TRIM36: variants seen among roughly 807,000 people sequenced by gnomAD.
The protein encoded by TRIM36 is E3 ubiquitin-protein ligase TRIM36.
Under a neutral mutation model 72.4 loss-of-function variants are expected in TRIM36, and 42 were observed. That is an observed-to-expected ratio of 0.58 (90% CI 0.45 to 0.75). TRIM36 has a LOEUF of 0.75. TRIM36 is among the 30% of genes least tolerant of loss of function. The pLI is 0.00. For missense variants in TRIM36, 913 were observed against 857.1 expected, an observed-to-expected ratio of 1.07 and a Z score of -0.81; for synonymous variants, 315 against 282.8, an observed-to-expected ratio of 1.11 and a Z score of -1.14.
chr5:115,126,447 C>CTAA lies in TRIM36; in HGVS notation c.*55_*56insTTA. The stretch of plus-strand genomic sequence containing the variant: ...ATATGTAATTAGTTACGAAGGTTAA[C>CTAA]GCTAAGGCATTGCTTTGTTTACAGT... On this transcript the variant is annotated 3_prime_UTR_variant, in exon 10 of 10. Coordinates refer to ENST00000513154, the MANE Select transcript of TRIM36 (RefSeq NM_001300759.2). 7.1e-7 allele frequency: 1 copy of CTAA among 1,414,262 alleles called. No individual in the cohort carries two copies. The highest frequency in any genetic ancestry group is 9.7e-7 in the Non-Finnish European group (1 of 1,028,688). The allele number at this position is 1,414,262 out of a possible 1,614,324, so 87.6% of individuals were successfully genotyped here. A position where few individuals can be genotyped will look rare whatever the true frequency, so the allele number is the denominator to read the frequency against.
chr5:115,159,863 T>C (rs17137495), intron 2 of TRIM36, among the ~76,000 whole-genome samples: 5,344 of 152,248 alleles, frequency 0.035, 145 homozygotes, highest in East Asian at 0.079. Context: ...TCAAGCAATC[T>C]TATTACAATC....
At chr5:115,153,024 T>C (rs1425515909) in intron 2 of TRIM36, among the ~76,000 whole-genome samples, 1 of 152,106 alleles carries the variant, frequency 6.6e-6, no homozygotes, top group Non-Finnish European at 1.5e-5. Context: ...AATGAAATGG[T>C]ACCTCATATC....
chr5:115,133,314 G>C (rs1036061848), intron 8 of TRIM36, among the ~76,000 whole-genome samples: 2 of 152,170 alleles, frequency 1.3e-5, no homozygotes, highest in Non-Finnish European at 2.9e-5. Flanking sequence ...CTTGGGAAGG[G>C]AGGGGGCGAT....
intron 3 of TRIM36, among the ~76,000 whole-genome samples, chr5:115,146,672 A>G (rs1753610466): frequency 6.6e-6 from 1 of 152,224 alleles, no homozygotes; most frequent in African/African-American, 2.4e-5. Context: ...CAAATGCAAC[A>G]AAAATATGTT....
chr5:115,159,679 A>T lies in TRIM36; in HGVS notation c.262+3839T>A, dbSNP rs1218839154. 6 of 451,092 alleles carry T rather than the reference A, an allele frequency of 1.3e-5. No homozygotes were observed. In the Admixed American group the frequency reaches 1.4e-4, roughly 11 times the overall value. The allele number at this position is 451,092 out of a possible 1,614,324, so 27.9% of individuals were successfully genotyped here. A position where few individuals can be genotyped will look rare whatever the true frequency, so the allele number is the denominator to read the frequency against. On this transcript the variant is annotated intron_variant, in intron 2 of 9. Transcript: ENST00000513154. ...AGATCTCCGTTGTGATGCTGTGAACAATGAACAGAAAGCTGGATTTAGAAT... is the reference window on the plus strand; with the variant it reads ...AGATCTCCGTTGTGATGCTGTGAACTATGAACAGAAAGCTGGATTTAGAAT...
upstream of TRIM36, among the ~76,000 whole-genome samples, chr5:115,172,061 T>G (rs1249066745): frequency 2.0e-5 from 3 of 152,206 alleles, no homozygotes; most frequent in Non-Finnish European, 2.9e-5. Flanking sequence ...TTGTAAAAAT[T>G]TTTGAATATT....
intron 2 of TRIM36, chr5:115,153,938 T>C (rs1216723073): frequency 1.3e-5 from 2 of 152,154 alleles, no homozygotes; most frequent in African/African-American, 4.8e-5. Flanking sequence ...GGCCACAAAA[T>C]GAGCCTCAAT....
intron 5 of TRIM36, 61 bp downstream of exon 5, chr5:115,141,214 CAAAT>C (rs1005302369): frequency 9.2e-6 from 11 of 1,198,448 alleles, no homozygotes; most frequent in African/African-American, 3.1e-5. Context: ...ATTTTATGAA[CAAAT>C]GAATGAATGT....
At chr5:115,131,101 T>C (rs1331863464) in intron 8 of TRIM36, among the ~76,000 whole-genome samples, 1 of 152,078 alleles carries the variant, frequency 6.6e-6, no homozygotes, top group East Asian at 1.9e-4. Context: ...AGAAATCTCA[T>C]AAAGCAGATG....
At chr5:115,150,720 A>T (rs910197473) in intron 2 of TRIM36, among the ~76,000 whole-genome samples, 2 of 152,202 alleles carry the variant, frequency 1.3e-5, no homozygotes, top group Non-Finnish European at 2.9e-5. Context: ...GCGAGGGCCC[A>T]AACTGTGGAA....
At chr5:115,132,112 G>A (rs922507097) in intron 8 of TRIM36, among the ~76,000 whole-genome samples, 14 of 151,806 alleles carry the variant, frequency 9.2e-5, no homozygotes, top group African/African-American at 3.1e-4. Context: ...GGAGATAGGA[G>A]GATTACTTGA....
rs1006282540 is a variant in TRIM36, at chr5:115,137,036, T to C, written c.1174A>G (p.Thr392Ala). The C allele has an allele frequency of 6.2e-7, 1 of 1,605,734 alleles. No individual in the cohort carries two copies. The highest frequency in any genetic ancestry group is 1.7e-5 in the Admixed American group (1 of 58,622). The change falls in exon 7 of 10, where the codon ACA (threonine) becomes GCA (alanine). Residue 392 changes from threonine (T) to alanine (A), a missense_variant. Physicochemically the swap from Thr to Ala is moderately conservative, Grantham distance 58. Transcript: ENST00000513154. ...AAGGATAATTCTCCAAGAAGTTCTG[T>C]TTGTTTAGAGGTATTAACAACATAG... ...EDYVVNTSKQ[T>A]ELLGELSFFS...
chr5:115,170,128 C>G (rs1023608763), upstream of TRIM36, among the ~76,000 whole-genome samples: 8 of 152,220 alleles, frequency 5.3e-5, no homozygotes, highest in African/African-American at 9.6e-5. Context: ...CCACCTTCCC[C>G]CTACGCATCA....
chr5:115,169,528 G>C (rs1233247267), intron 1 of TRIM36, 80 bp downstream of exon 1: 2 of 1,427,460 alleles, frequency 1.4e-6, no homozygotes, highest in South Asian at 2.6e-5. Context: ...CTCCCTCCGG[G>C]CTCCCGGCGG....
In TRIM36 at chr5:115,169,709, G is replaced by C; in HGVS notation, c.-75C>G. On this transcript the variant is annotated 5_prime_UTR_variant, in exon 1 of 10. Transcript: ENST00000513154. ...TACCGAGCGCAGGGTCTGGTGGGCG[G>C]GTCCCTGCGGCGGCCGTGGAGCCTC... is the stretch of plus-strand genomic sequence containing the variant. The C allele has an allele frequency of 6.7e-7, 1 of 1,492,334 alleles. No individual in the cohort carries two copies. The highest frequency in any genetic ancestry group is 8.9e-7 in the Non-Finnish European group (1 of 1,119,868). The allele number at this position is 1,492,334 out of a possible 1,614,324, so 92.4% of individuals were successfully genotyped here.
chr5:115,129,821 C>T (rs866853146), intron 9 of TRIM36, among the ~76,000 whole-genome samples: 1 of 151,810 alleles, frequency 6.6e-6, no homozygotes, highest in African/African-American at 2.4e-5. Flanking sequence ...TTCAATATGC[C>T]TATGTTGCTT....
chr5:115,147,018 T>G (rs778237835), intron 3 of TRIM36, 51 bp downstream of exon 3: 1 of 1,458,452 alleles, frequency 6.9e-7, no homozygotes, highest in Non-Finnish European at 9.3e-7. Context: ...CATAAAAGTT[T>G]CATAACATTA....
intron 1 of TRIM36, chr5:115,177,517 A>C: frequency 7.5e-7 from 1 of 1,332,310 alleles, no homozygotes; most frequent in Non-Finnish European, 9.6e-7. Flanking sequence ...GAGGAAAATA[A>C]AGCAAGTCAG....
At chr5:115,160,559 T>A (rs1159753566) in intron 2 of TRIM36, among the ~76,000 whole-genome samples, 1 of 152,142 alleles carries the variant, frequency 6.6e-6, no homozygotes, top group Non-Finnish European at 1.5e-5. Context: ...AAAACTAGAC[T>A]GGGTATAGTG....
Sources: allele counts gnomAD v4.1 joint callset (sites outside exome capture counted in the v4.1 genomes callset), GRCh38; gene constraint gnomAD v4.1.1; transcripts MANE v1.5; gene names NCBI Gene and HGNC (gene_info 2026-07-23, HGNC 2026-07-21).